Variants in GALNT18 observed in about 807,000 individuals in gnomAD.
GALNT18 encodes the protein polypeptide N-acetylgalactosaminyltransferase 18.
A neutral mutation model predicts 69.5 loss-of-function variants in GALNT18; 44 were observed. The ratio of observed to expected loss-of-function variants is 0.63; its 90% confidence interval spans 0.50 to 0.81. The LOEUF is 0.81. Among genes scored for constraint, GALNT18 ranks in the 40% least tolerant of loss-of-function variants. The pLI, the probability that GALNT18 is intolerant of heterozygous loss-of-function variation, is 0.00. For missense variants in GALNT18, 715 were observed against 810.0 expected, an observed-to-expected ratio of 0.88 and a Z score of 1.42; for synonymous variants, 364 against 318.2, an observed-to-expected ratio of 1.14 and a Z score of -1.53.
At chr11:11,295,270 C>T (rs1200172414) in intron 9 of GALNT18, among the ~76,000 whole-genome samples, 1 of 152,022 alleles carries the variant, frequency 6.6e-6, no homozygotes, top group Non-Finnish European at 1.5e-5. Context: ...AAAGAGACGG[C>T]CCACTTTAGT....
In GALNT18 at chr11:11,377,343, C is replaced by T. The variant is rs755784655; in HGVS notation, c.816G>A (p.Arg272=). 1 of 1,613,926 alleles carries T rather than the reference C, an allele frequency of 6.2e-7. No homozygotes were observed. The highest frequency in any genetic ancestry group is 1.1e-5 in the South Asian group (1 of 91,074). The stretch of plus-strand genomic sequence containing the variant: ...CAAAGGATGGCGAGATGATCCGCTT[C>T]CGGTTCTCCTTGATGCGGGTGAGTA... ...EPVLTRIKEN[R]KRIISPSFDN... The change falls in exon 5 of 11, where the codon CGG becomes CGA. Residue 272 remains arginine (R), a synonymous_variant. Transcript: ENST00000227756. The surrounding 1 kb of genome is among the most constrained non-coding windows in gnomAD (Gnocchi z 4.6).
At chr11:11,303,040 T>A (rs1157459969) in intron 9 of GALNT18, among the ~76,000 whole-genome samples, 1 of 152,214 alleles carries the variant, frequency 6.6e-6, no homozygotes, top group East Asian at 1.9e-4. Context: ...TCAGCCCTGT[T>A]TGTGGCTATA....
rs11824143 is a variant in GALNT18, at chr11:11,271,072, C to T, written c.*72G>A. On this transcript the variant is annotated 3_prime_UTR_variant, in exon 11 of 11. Transcript: ENST00000227756. ...GTTCCCCAGACTCCAAACAACCCCACGTGGACAGCAGGCAACGTTGCAGCA... is the reference window on the plus strand; with the variant it reads ...GTTCCCCAGACTCCAAACAACCCCATGTGGACAGCAGGCAACGTTGCAGCA... 9.9e-4 allele frequency: 1,447 copies of T among 1,465,788 alleles called. 16 individuals are homozygous for T. In the African/African-American group the frequency reaches 0.016, roughly 16 times the overall value. The allele number at this position is 1,465,788 out of a possible 1,614,324, so 90.8% of individuals were successfully genotyped here.
rs1455152037 is a variant in GALNT18 at position 11,562,319 on chromosome 11, G to A, written c.235+59040C>T. 2.6e-5 allele frequency among the ~76,000 whole-genome samples: 4 copies of A among 152,162 alleles called. No homozygotes were observed. The highest frequency in any genetic ancestry group is 7.2e-5 in the African/African-American group (3 of 41,508). On this transcript the variant is annotated intron_variant, in intron 1 of 10. Coordinates refer to ENST00000227756, the MANE Select transcript of GALNT18 (RefSeq NM_198516.3). The surrounding 1 kb of genome is among the most constrained non-coding windows in gnomAD (Gnocchi z 4.1). ...ATGCCCCTAGTGTGTGTCTGTCTGC[G>A]TGTCCATGTTTCCCCTTTAGATGTG...
chr11:11,433,246 C>T (rs936515533), intron 2 of GALNT18, among the ~76,000 whole-genome samples: 1 of 152,228 alleles, frequency 6.6e-6, no homozygotes, highest in African/African-American at 2.4e-5. Context: ...AGACTTCTGC[C>T]AAAATCTACT....
chr11:11,599,378 T>C (rs1343498236), intron 1 of GALNT18, among the ~76,000 whole-genome samples: 1 of 152,090 alleles, frequency 6.6e-6, no homozygotes, highest in African/African-American at 2.4e-5. Context: ...CTTTTTGGTG[T>C]TTTAACGTCA....
At position 11,389,317 on chromosome 11, in the gene GALNT18, C is replaced by T. The variant is rs1854126961; in HGVS notation, c.596-10053G>A. Among the ~76,000 whole-genome samples, 1 of 152,184 alleles carries T rather than the reference C, an allele frequency of 6.6e-6. No homozygotes were observed. Among genetic ancestry groups the T allele is most frequent in the South Asian group, 2.1e-4 (1 of 4,830 alleles). On this transcript the variant is annotated intron_variant, in intron 3 of 10. Coordinates refer to ENST00000227756, the MANE Select transcript of GALNT18 (RefSeq NM_198516.3). The surrounding 1 kb of genome is among the most constrained non-coding windows in gnomAD (Gnocchi z 4.3). ...AGCTCTTCCCCTGGGACCATAACTCCGTGTCCTCTATTTGTCCACCTTGAG... is the reference window on the plus strand; with the variant it reads ...AGCTCTTCCCCTGGGACCATAACTCTGTGTCCTCTATTTGTCCACCTTGAG...
rs566710091 is a variant in GALNT18, at chr11:11,341,178, G to A, written c.1093-174C>T. 6.6e-6 allele frequency among the ~76,000 whole-genome samples: 1 copy of A among 152,282 alleles called. No individual in the cohort carries two copies. Among genetic ancestry groups the A allele is most frequent in the East Asian group, 1.9e-4 (1 of 5,186 alleles). On this transcript the variant is annotated intron_variant, in intron 6 of 10. Transcript: ENST00000227756. This position sits in a 1 kb window ranked among gnomAD's most constrained non-coding sequence, Gnocchi z 6.3. ...CCTGATTTCTGCTCCTATAGCAGCAGGATGGCTATGGAGTCATTAATTCAT... is the reference window on the plus strand; with the variant it reads ...CCTGATTTCTGCTCCTATAGCAGCAAGATGGCTATGGAGTCATTAATTCAT...
chr11:11,531,825 A>T (rs1857655267), intron 1 of GALNT18, among the ~76,000 whole-genome samples: 1 of 152,142 alleles, frequency 6.6e-6, no homozygotes, highest in African/African-American at 2.4e-5. Flanking sequence ...CGATCTCTTC[A>T]TTGTGATCCT....
At chr11:11,273,074 A>G (rs561772693) in intron 10 of GALNT18, among the ~76,000 whole-genome samples, 1 of 152,378 alleles carries the variant, frequency 6.6e-6, no homozygotes, top group Non-Finnish European at 1.5e-5. Context: ...TTAGACTACA[A>G]AACTCCTAGA....
At chr11:11,471,950 CAG>C (rs1250166836) in intron 1 of GALNT18, among the ~76,000 whole-genome samples, 2 of 152,278 alleles carry the variant, frequency 1.3e-5, no homozygotes, top group Non-Finnish European at 2.9e-5. Context: ...AAGAGCTGGT[CAG>C]AGAGTGATGG....
rs1314358422 is a variant in GALNT18, at chr11:11,543,479, C to T, written c.235+77880G>A. On this transcript the variant is annotated intron_variant, in intron 1 of 10. Transcript: ENST00000227756. The surrounding 1 kb of genome is among the most constrained non-coding windows in gnomAD (Gnocchi z 5.1). Reference sequence around the variant, plus strand: ...CCCTTCTCTGCTACCCTGTCCCCACCGTCCCCACCACCCACCAAGAGCCTG... The same window carrying T: ...CCCTTCTCTGCTACCCTGTCCCCACTGTCCCCACCACCCACCAAGAGCCTG... Among the ~76,000 whole-genome samples the T allele has an allele frequency of 6.6e-6, 1 of 152,174 alleles. No homozygotes were observed. Among genetic ancestry groups the T allele is most frequent in the African/African-American group, 2.4e-5 (1 of 41,436 alleles).
At chr11:11,399,081 G>T (rs1260513591) in intron 3 of GALNT18, among the ~76,000 whole-genome samples, 1 of 152,178 alleles carries the variant, frequency 6.6e-6, no homozygotes, top group Non-Finnish European at 1.5e-5. Context: ...AGTAATAGAA[G>T]GTGGGACCTT....
At chr11:11,571,243 G>A (rs1342244669) in intron 1 of GALNT18, among the ~76,000 whole-genome samples, 7 of 152,208 alleles carry the variant, frequency 4.6e-5, no homozygotes, top group Non-Finnish European at 1.0e-4. Context: ...CAGGCAGCCT[G>A]ACCCTTGGGC....
intron 6 of GALNT18, among the ~76,000 whole-genome samples, chr11:11,343,121 A>G (rs1025826357): frequency 1.3e-5 from 2 of 152,084 alleles, no homozygotes; most frequent in African/African-American, 4.8e-5. Flanking sequence ...AGGTGGGTGG[A>G]TCACTTGAGC....
chr11:11,353,232 G>A (rs970025958), intron 6 of GALNT18: 20 of 1,347,994 alleles, frequency 1.5e-5, no homozygotes, highest in Non-Finnish European at 2.0e-5. Flanking sequence ...TCTTCACACT[G>A]TGGTGGAAGC....
rs1850933340 is a variant in GALNT18 at position 11,372,525 on chromosome 11, A to T, written c.1082T>A (p.Leu361His). Residue 361 changes from leucine (L) to histidine (H), a missense_variant, in exon 6 of 11, where the codon CTT becomes CAT. By Grantham distance (99) the Leu-to-His change is moderately conservative (BLOSUM62 -3). Transcript: ENST00000227756. This position sits in a 1 kb window ranked among gnomAD's most constrained non-coding sequence, Gnocchi z 4.9. ...AGAAACCCCACTCACCCTGATCCCA[A>T]GCTCCACATTCTCGCCCCCGTAGAC... Reference protein sequence around the residue: ...MEVYGGENVELGIRVWQCGGS... With the variant: ...MEVYGGENVEHGIRVWQCGGS... The T allele has an allele frequency of 3.7e-6, 6 of 1,614,074 alleles. No individual in the cohort carries two copies. The highest frequency in any genetic ancestry group is 5.1e-6 in the Non-Finnish European group (6 of 1,179,910).
chr11:11,412,643 AG>A, intron 3 of GALNT18, among the ~76,000 whole-genome samples: 1 of 151,956 alleles, frequency 6.6e-6, no homozygotes, highest in East Asian at 1.9e-4. Flanking sequence ...ATTTGGACAC[AG>A]TCAATATCCC....
chr11:11,584,732 A>G lies in GALNT18; in HGVS notation c.235+36627T>C, dbSNP rs114689713. On this transcript the variant is annotated intron_variant, in intron 1 of 10. Coordinates refer to ENST00000227756, the MANE Select transcript of GALNT18 (RefSeq NM_198516.3). This position sits in a 1 kb window ranked among gnomAD's most constrained non-coding sequence, Gnocchi z 4.1. ...AAGTATGAAGGTTGTCTCAAGAGAA[A>G]GAGCTTATACAATCGAGGTGGACAA... is the stretch of plus-strand genomic sequence containing the variant. Among the ~76,000 whole-genome samples the G allele has an allele frequency of 3.5e-3, 537 of 152,350 alleles. 2 individuals are homozygous for G. The highest frequency in any genetic ancestry group is 0.012 in the African/African-American group (497 of 41,580).
Sources: allele counts gnomAD v4.1 joint callset (sites outside exome capture counted in the v4.1 genomes callset), GRCh38; gene constraint gnomAD v4.1.1; non-coding constraint Gnocchi (gnomAD v3.1); transcripts MANE v1.5; gene names NCBI Gene and HGNC (gene_info 2026-07-23, HGNC 2026-07-21).